The following JAKMIP2 variants were observed in gnomAD, a reference collection of about 807,000 sequenced individuals.
JAKMIP2 encodes the protein janus kinase and microtubule-interacting protein 2.
A neutral mutation model predicts 115.0 loss-of-function variants in JAKMIP2; 25 were observed. The observed-to-expected ratio is 0.22, with a 90% CI of 0.16 to 0.30. The LOEUF is 0.30. JAKMIP2 is among the 10% of genes least tolerant of loss of function. The pLI, the probability that JAKMIP2 is intolerant of heterozygous loss-of-function variation, is 1.00. For missense variants in JAKMIP2, 642 were observed against 957.6 expected (o/e 0.67, Z 4.35); for synonymous variants, 334 against 343.6 (o/e 0.97, Z 0.31).
chr5:147,746,994 A>C (rs1013830548), intron 1 of JAKMIP2, among the ~76,000 whole-genome samples: 5 of 152,142 alleles, frequency 3.3e-5, no homozygotes, highest in African/African-American at 1.2e-4. Context: ...TCTGGGACCA[A>C]CCCTCCATGC....
intron 1 of JAKMIP2, among the ~76,000 whole-genome samples, chr5:147,721,139 G>A (rs1427211536): frequency 6.6e-6 from 1 of 151,838 alleles, no homozygotes; most frequent in African/African-American, 2.4e-5. Context: ...CTGCTGGGGG[G>A]TGCCTCCCAG....
chr5:147,700,545 T>C (rs977743786), intron 1 of JAKMIP2, among the ~76,000 whole-genome samples: 1 of 152,192 alleles, frequency 6.6e-6, no homozygotes, highest in Non-Finnish European at 1.5e-5. Flanking sequence ...GGGACAAGTA[T>C]ACTAATATTT....
At chr5:147,685,788 T>C (rs1209558561) in intron 1 of JAKMIP2, among the ~76,000 whole-genome samples, 1 of 152,212 alleles carries the variant, frequency 6.6e-6, no homozygotes, top group Non-Finnish European at 1.5e-5. Context: ...AGATAGGTGT[T>C]CAAATAGCAG....
At position 147,782,507 on chromosome 5, in the gene JAKMIP2, T is replaced by C; in HGVS notation, c.-200A>G. The C allele has an allele frequency of 6.5e-7, 1 of 1,534,168 alleles. No homozygotes were observed. Among genetic ancestry groups the C allele is most frequent in the East Asian group, 2.4e-5 (1 of 40,886 alleles). On this transcript the variant is annotated 5_prime_UTR_variant, in exon 1 of 22. Transcript: ENST00000616793. Reference sequence around the variant, plus strand: ...AAAGGAGGGAGAGATGCAAACTGAATCCATTTTCCTTGTGACCGAGTCGGA... The same window carrying C: ...AAAGGAGGGAGAGATGCAAACTGAACCCATTTTCCTTGTGACCGAGTCGGA...
intron 17 of JAKMIP2, among the ~76,000 whole-genome samples, chr5:147,621,847 T>C (rs1487270991): frequency 6.6e-6 from 1 of 152,228 alleles, no homozygotes; most frequent in Non-Finnish European, 1.5e-5. Context: ...AATGATAACA[T>C]TAATCATAAT....
At chr5:147,732,494 G>C (rs1753770756) in intron 1 of JAKMIP2, among the ~76,000 whole-genome samples, 1 of 147,572 alleles carries the variant, frequency 6.8e-6, no homozygotes, top group South Asian at 2.1e-4. Context: ...TCTATCTCTT[G>C]TAAGAGTATG....
intron 1 of JAKMIP2, among the ~76,000 whole-genome samples, chr5:147,758,944 C>T (rs553565149): frequency 4.7e-4 from 72 of 152,232 alleles, no homozygotes; most frequent in South Asian, 1.2e-3. Flanking sequence ...ACATTAGTCC[C>T]TCTATTACTG....
rs1400614413 is a variant in JAKMIP2 at position 147,716,597 on chromosome 5, G to A, written c.-148-44643C>T. On this transcript the variant is annotated intron_variant, in intron 1 of 21. Coordinates refer to ENST00000616793, the MANE Select transcript of JAKMIP2 (RefSeq NM_001270941.2). ...GATTTGCATTTCTCTGATGGCCAGC[G>A]ATGATGAGCATTTTTTCATGTGTTT... is the stretch of plus-strand genomic sequence containing the variant. Among the ~76,000 whole-genome samples, 14 of 152,236 alleles carry A rather than the reference G, an allele frequency of 9.2e-5. No homozygotes were observed. In the East Asian group the frequency reaches 2.3e-3, roughly 25 times the overall value.
intron 10 of JAKMIP2, 24 bp downstream of exon 10, chr5:147,639,608 G>A: frequency 1.9e-6 from 3 of 1,595,396 alleles, no homozygotes; most frequent in Non-Finnish European, 2.6e-6. Flanking sequence ...CTAATTCAGA[G>A]CACTCTCACA....
At chr5:147,746,357 C>T (rs948261779) in intron 1 of JAKMIP2, among the ~76,000 whole-genome samples, 5 of 152,194 alleles carry the variant, frequency 3.3e-5, no homozygotes, top group Admixed American at 1.3e-4. Context: ...GGACGAAAGA[C>T]GGGAATAGAG....
chr5:147,604,800 T>TTTATTA lies in JAKMIP2; in HGVS notation c.2413-2995_2413-2990dup, dbSNP rs145441560. ...ATTCCTGGTGTCTTGGGCCAGACAT[T>TTTATTA]TTATTATTATTATTATTATTATTAT... On this transcript the variant is annotated intron_variant, in intron 20 of 21. Transcript: ENST00000616793. Among the ~76,000 whole-genome samples the TTTATTA allele has an allele frequency of 6.7e-3, 956 of 143,536 alleles. 25 individuals are homozygous for TTTATTA. Among genetic ancestry groups the TTTATTA allele is most frequent in the East Asian group, 0.059 (287 of 4,840 alleles). 94.2% of individuals were successfully genotyped at this position (143,536 alleles called of 152,430 possible).
At chr5:147,630,009 A>G (rs1757284857) in intron 14 of JAKMIP2, among the ~76,000 whole-genome samples, 1 of 152,228 alleles carries the variant, frequency 6.6e-6, no homozygotes, top group Non-Finnish European at 1.5e-5. Context: ...GCTGATCTTC[A>G]GGATAAACAG....
At chr5:147,690,797 T>C (rs1751808912) in intron 1 of JAKMIP2, among the ~76,000 whole-genome samples, 1 of 151,940 alleles carries the variant, frequency 6.6e-6, no homozygotes, top group Admixed American at 6.6e-5. Context: ...GCATGACGCA[T>C]ACTGTGTGGC....
At chr5:147,628,381 C>A (rs1239566984) in intron 16 of JAKMIP2, among the ~76,000 whole-genome samples, 1 of 152,128 alleles carries the variant, frequency 6.6e-6, no homozygotes, top group African/African-American at 2.4e-5. Flanking sequence ...TAGGTACACA[C>A]CCCAGGATAA....
chr5:147,617,573 G>C (rs184537230), intron 19 of JAKMIP2, among the ~76,000 whole-genome samples: 9 of 152,178 alleles, frequency 5.9e-5, no homozygotes, highest in Non-Finnish European at 1.2e-4. Context: ...GCAATACATG[G>C]GAAGCACTAT....
intron 12 of JAKMIP2, among the ~76,000 whole-genome samples, chr5:147,633,985 C>T (rs73268143): frequency 0.013 from 1,925 of 152,192 alleles, 47 homozygotes; most frequent in African/African-American, 0.044. Context: ...CCATTGTGCC[C>T]GGCTGTCATC....
intron 1 of JAKMIP2, among the ~76,000 whole-genome samples, chr5:147,773,088 A>G (rs72835176): frequency 6.6e-6 from 1 of 152,166 alleles, no homozygotes; most frequent in African/African-American, 2.4e-5. Flanking sequence ...TAACTACTGG[A>G]ATAAATAGTT....
rs147641626 is a variant in JAKMIP2 at position 147,752,332 on chromosome 5, T to G, written c.-149+30124A>C. ...ACCAAACTGAGTACTGTAAACTTAG[T>G]GCCTGAGAAATCATTGCAGGGGTTA... On this transcript the variant is annotated intron_variant, in intron 1 of 21. Transcript: ENST00000616793. Among the ~76,000 whole-genome samples the G allele has an allele frequency of 5.5e-3, 835 of 152,332 alleles. 9 individuals carry two copies. Among genetic ancestry groups the G allele is most frequent in the Non-Finnish European group, 7.9e-3 (539 of 68,026 alleles).
At chr5:147,650,794 C>G (rs1758359945) in intron 3 of JAKMIP2, among the ~76,000 whole-genome samples, 1 of 152,066 alleles carries the variant, frequency 6.6e-6, no homozygotes, top group Non-Finnish European at 1.5e-5. Flanking sequence ...TGTTTTGACT[C>G]AATATATTGT....
Sources: gnomAD v4.1 joint callset for allele counts (sites outside exome capture counted in the v4.1 genomes callset) on GRCh38, gnomAD v4.1.1 for gene constraint, MANE v1.5 for transcripts, NCBI Gene and HGNC (gene_info 2026-07-23, HGNC 2026-07-21) for gene names.